The following AOAH variants were observed in gnomAD, a reference collection of about 807,000 sequenced individuals.
The protein encoded by AOAH is acyloxyacyl hydrolase (neutrophil).
Under a neutral mutation model 92.2 loss-of-function variants are expected in AOAH, and 64 were observed. The observed-to-expected ratio is 0.69, with a 90% CI of 0.57 to 0.86. AOAH has a LOEUF of 0.86. Ranked by LOEUF, AOAH falls within the 40% of genes least tolerant of loss-of-function variation. The pLI is 0.00. For synonymous variants in AOAH, 263 were observed against 254.5 expected, an observed-to-expected ratio of 1.03 and a Z score of -0.32; for missense variants, 656 against 694.6, an observed-to-expected ratio of 0.94 and a Z score of 0.62.
At position 36,724,067 on chromosome 7, in the gene AOAH, C is replaced by G. The variant is rs2228410; in HGVS notation, c.82G>C (p.Asp28His). The stretch of plus-strand genomic sequence containing the variant: ...GAGAGGCTGGGCCTGGACTGGTCAT[C>G]GTTGGCTGGAGAGGCCGAGGACTGA... The part of the protein sequence containing the change: ...SLQSSASPAN[D>H]DQSRPSLSNG... The change falls in exon 1 of 21, where the codon GAT becomes CAT. Residue 28 changes from aspartate to histidine, a missense_variant. Coordinates refer to ENST00000617537, the MANE Select transcript of AOAH (RefSeq NM_001637.4). 51 of 1,613,472 alleles carry G rather than the reference C, an allele frequency of 3.2e-5. No individual in the cohort carries two copies. The African/African-American group carries it at 5.9e-4, about 19-fold the overall frequency.
chr7:36,674,444 G>T (rs1281419162), intron 2 of AOAH, among the ~76,000 whole-genome samples: 1 of 152,174 alleles, frequency 6.6e-6, no homozygotes, highest in Non-Finnish European at 1.5e-5. Context: ...TTCACTTGGG[G>T]TCCTTAGTTT....
At position 36,540,440 on chromosome 7, in the gene AOAH, G is replaced by T; in HGVS notation, c.1185C>A (p.Asn395Lys). Residue 395 changes from asparagine to lysine, a missense_variant, in exon 16 of 21, where the codon AAC (asparagine) becomes AAA (lysine). Asn to Lys is a moderately conservative substitution (Grantham distance 94, BLOSUM62 0). Transcript: ENST00000617537. ...AMTTPEKLYS[N>K]VMQTLKHLNS... ...TTAGATGCTTCAGAGTCTGCATGAC[G>T]TTGGAGTAGAGTTTCTCAGGAGTGG... 4 of 1,613,992 alleles carry T rather than the reference G, an allele frequency of 2.5e-6. No individual in the cohort carries two copies. The highest frequency in any genetic ancestry group is 3.4e-6 in the Non-Finnish European group (4 of 1,179,920).
intron 1 of AOAH, among the ~76,000 whole-genome samples, chr7:36,697,932 T>C (rs1212313269): frequency 6.6e-6 from 1 of 152,040 alleles, no homozygotes; most frequent in African/African-American, 2.4e-5. Context: ...AGACAAGGAA[T>C]GTGAAGGATT....
chr7:36,566,810 T>C (rs1232920322), intron 13 of AOAH, among the ~76,000 whole-genome samples: 1 of 152,060 alleles, frequency 6.6e-6, no homozygotes, highest in Non-Finnish European at 1.5e-5. Context: ...GCGTGTAACT[T>C]CAGTGAACAC....
At chr7:36,608,245 A>T (rs746304172) in intron 11 of AOAH, among the ~76,000 whole-genome samples, 3 of 152,134 alleles carry the variant, frequency 2.0e-5, no homozygotes, top group Non-Finnish European at 4.4e-5. Context: ...AGTGAGGGGG[A>T]AGCACACTTA....
rs190703215 is a variant in AOAH at position 36,679,776 on chromosome 7, G to C, written c.224-5767C>G. ...GTGTTCAAGCAATTCTTCTGCGTCA[G>C]CCTCCTGAGTAGCTAGGACTACAGG... On this transcript the variant is annotated intron_variant, in intron 2 of 20. Coordinates refer to ENST00000617537, the MANE Select transcript of AOAH (RefSeq NM_001637.4). Among the ~76,000 whole-genome samples the C allele has an allele frequency of 5.0e-3, 755 of 152,182 alleles. 2 individuals are homozygous for C. Among genetic ancestry groups the C allele is most frequent in the Non-Finnish European group, 6.4e-3 (433 of 68,010 alleles).
intron 1 of AOAH, among the ~76,000 whole-genome samples, chr7:36,706,867 A>C (rs1798447708): frequency 6.6e-6 from 1 of 152,092 alleles, no homozygotes; most frequent in Non-Finnish European, 1.5e-5. Flanking sequence ...GCCTTCATAG[A>C]ATTGAAGAGA....
intron 1 of AOAH, among the ~76,000 whole-genome samples, chr7:36,720,561 C>G (rs1799555996): frequency 6.6e-6 from 1 of 152,168 alleles, no homozygotes; most frequent in Non-Finnish European, 1.5e-5. Context: ...TGCCTGCTTC[C>G]AAGCTATGAG....
chr7:36,665,509 T>C (rs901976221), intron 3 of AOAH, among the ~76,000 whole-genome samples: 2 of 152,128 alleles, frequency 1.3e-5, no homozygotes, highest in African/African-American at 4.8e-5. Flanking sequence ...GTTTTATTTC[T>C]TTCTTCTCAA....
intron 20 of AOAH, among the ~76,000 whole-genome samples, chr7:36,517,156 G>GTCTTTCTTTCTTTCTCTCTTTCTT (rs1783773173): frequency 1.0e-5 from 1 of 95,432 alleles, no homozygotes; most frequent in African/African-American, 4.1e-5. Context: ...ATCCATGTTA[G>GTCTTTCTTTCTTTCTCTCTTTCTT]TCTTTCTTTC....
In AOAH at chr7:36,724,374, G is replaced by C. The variant is rs1264428416; in HGVS notation, c.-226C>G. 2.4e-6 allele frequency: 1 copy of C among 414,696 alleles called. No individual in the cohort carries two copies. The highest frequency in any genetic ancestry group is 4.5e-6 in the Non-Finnish European group (1 of 221,846). 25.7% of individuals were successfully genotyped at this position (414,696 alleles called of 1,614,324 possible). On this transcript the variant is annotated 5_prime_UTR_variant, in exon 1 of 21. Transcript: ENST00000617537. The stretch of plus-strand genomic sequence containing the variant: ...ACAGCTTGCTCTTGTTGGACCCTGA[G>C]AGAGCCACACACAAAGAGCTGGAGG...
At chr7:36,664,384 A>G (rs1353256358) in intron 3 of AOAH, among the ~76,000 whole-genome samples, 1 of 152,068 alleles carries the variant, frequency 6.6e-6, no homozygotes, top group African/African-American at 2.4e-5. Context: ...CTTTTTTTAA[A>G]TCATATTACC....
chr7:36,555,686 A>T (rs1786652349), intron 13 of AOAH, among the ~76,000 whole-genome samples: 1 of 152,136 alleles, frequency 6.6e-6, no homozygotes, highest in Non-Finnish European at 1.5e-5. Context: ...CTATTCAGAG[A>T]TTCAACTTCT....
intron 20 of AOAH, among the ~76,000 whole-genome samples, chr7:36,519,884 C>A (rs1784024182): frequency 6.6e-6 from 1 of 152,210 alleles, no homozygotes; most frequent in South Asian, 2.1e-4. Context: ...AATGGCAGGG[C>A]ATTTTCTTGT....
chr7:36,655,991 T>C (rs1038063270), intron 4 of AOAH, among the ~76,000 whole-genome samples: 4 of 152,114 alleles, frequency 2.6e-5, no homozygotes, highest in Non-Finnish European at 5.9e-5. Context: ...CCATGAACGA[T>C]GGGGAGGAAT....
intron 19 of AOAH, among the ~76,000 whole-genome samples, chr7:36,522,615 C>A (rs1784162563): frequency 6.6e-6 from 1 of 152,098 alleles, no homozygotes; most frequent in African/African-American, 2.4e-5. Context: ...AGTATGGCTG[C>A]AGAAAAAATA....
At chr7:36,697,420 C>G (rs1797790090) in intron 1 of AOAH, among the ~76,000 whole-genome samples, 1 of 152,126 alleles carries the variant, frequency 6.6e-6, no homozygotes, top group South Asian at 2.1e-4. Context: ...ATTCATGTTA[C>G]ATGTTGCTGG....
chr7:36,689,093 T>G (rs977542178), intron 1 of AOAH, among the ~76,000 whole-genome samples: 1 of 152,188 alleles, frequency 6.6e-6, no homozygotes, highest in African/African-American at 2.4e-5. Context: ...AAAGGGCTAA[T>G]GGATGCACCT....
At chr7:36,711,633 A>C (rs1204385007) in intron 1 of AOAH, among the ~76,000 whole-genome samples, 1 of 152,218 alleles carries the variant, frequency 6.6e-6, no homozygotes, top group East Asian at 1.9e-4. Flanking sequence ...GTAGGAGATT[A>C]TGGAGAAGAG....
Sources: gnomAD v4.1 joint callset for allele counts (sites outside exome capture counted in the v4.1 genomes callset) on GRCh38, gnomAD v4.1.1 for gene constraint, MANE v1.5 for transcripts, NCBI Gene and HGNC (gene_info 2026-07-23, HGNC 2026-07-21) for gene names.